SEMA3B: variants seen among roughly 807,000 people sequenced by gnomAD.
SEMA3B encodes the protein semaphorin-3B.
In SEMA3B, 71 loss-of-function variants were observed where a neutral mutation model predicts 77.8. The ratio of observed to expected loss-of-function variants is 0.91; its 90% CI spans 0.75 to 1.11. The LOEUF is 1.11. SEMA3B is among the 50% of genes most tolerant of loss of function. The pLI is 0.00. For synonymous variants in SEMA3B, 470 were observed against 452.9 expected (o/e 1.04, Z -0.48); for missense variants, 968 against 1,056.8 (o/e 0.92, Z 1.17).
Position 50,270,029 on chromosome 3 carries a change from CCTAAT to C in SEMA3B, c.110-97_110-93del, listed in dbSNP as rs1701002247. 2 of 1,328,300 alleles carry C rather than the reference CCTAAT, an allele frequency of 1.5e-6. No homozygotes were observed. The highest frequency in any genetic ancestry group is 3.0e-5 in the South Asian group (2 of 66,128). 82.3% of individuals were successfully genotyped at this position (1,328,300 alleles called of 1,614,324 possible). On this transcript the variant is annotated intron_variant, in intron 1 of 16. Transcript: ENST00000616701. The surrounding 1 kb of genome is among the most constrained non-coding windows in gnomAD (Gnocchi z 4.7). ...AAACTCACATGTGTACAGGCCAGGT[CCTAAT>C]GGCAACCTTGGCCGATAGAGTCACC...
chr3:50,262,219 C>T, the SEMA3B span: 1 of 152,364 alleles, frequency 6.6e-6, no homozygotes, highest in African/African-American at 2.4e-5. Context: ...CACTTGAACC[C>T]AGGAGACGGT....
chr3:50,276,353 A>G lies in SEMA3B; in HGVS notation c.1897A>G (p.Arg633Gly). The G allele has an allele frequency of 2.0e-6, 3 of 1,532,864 alleles. No homozygotes were observed. The highest frequency in any genetic ancestry group is 2.6e-6 in the Non-Finnish European group (3 of 1,144,092). The allele number at this position is 1,532,864 out of a possible 1,614,324, so 95.0% of individuals were successfully genotyped here. The change falls in exon 17 of 17, where the codon AGG (arginine) becomes GGG (glycine). Residue 633 changes from arginine (R) to glycine (G), a missense_variant. Coordinates refer to ENST00000616701, the MANE Select transcript of SEMA3B (RefSeq NM_001290060.2). The surrounding 1 kb of genome is among the most constrained non-coding windows in gnomAD (Gnocchi z 5.8). ...ERTARGLLLR[R>G]LRRRDSGVYL... Reference sequence around the variant, plus strand: ...CACCGCCCGGGGACTACTGCTGCGCAGGCTGCGGCGCCGGGACTCGGGCGT... The same window carrying G: ...CACCGCCCGGGGACTACTGCTGCGCGGGCTGCGGCGCCGGGACTCGGGCGT...
the SEMA3B span, chr3:50,260,246 G>A: frequency 6.6e-6 from 1 of 152,224 alleles, no homozygotes; most frequent in African/African-American, 2.4e-5. Flanking sequence ...AGCTTTGTGA[G>A]GCGGCGACGG....
upstream of SEMA3B, among the ~76,000 whole-genome samples, chr3:50,266,006 T>C (rs1471214959): frequency 2.6e-5 from 4 of 151,928 alleles, no homozygotes; most frequent in Non-Finnish European, 4.4e-5. Flanking sequence ...CCCAGGCTAT[T>C]GGAAAGATAA....
In SEMA3B at chr3:50,276,738, G is replaced by A. The variant is rs782365251; in HGVS notation, c.*32G>A. 1.9e-5 allele frequency: 28 copies of A among 1,455,806 alleles called. 1 individual carries two copies. Among genetic ancestry groups the A allele is most frequent in the Middle Eastern group, 3.7e-4 (2 of 5,386 alleles). 90.2% of individuals were successfully genotyped at this position (1,455,806 alleles called of 1,614,324 possible). ...TGTCCCCACGCCGGGAACCAAGCAG[G>A]AGACGACAGGCGAGAGAGGAGCCAG... On this transcript the variant is annotated 3_prime_UTR_variant, in exon 17 of 17. Transcript: ENST00000616701. This position sits in a 1 kb window ranked among gnomAD's most constrained non-coding sequence, Gnocchi z 5.8.
Position 50,270,050 on chromosome 3 carries a change from T to C in SEMA3B, c.110-77T>C. 2.1e-6 allele frequency: 3 copies of C among 1,429,626 alleles called. No individual in the cohort carries two copies. The highest frequency in any genetic ancestry group is 1.4e-5 in the South Asian group (1 of 69,474). The allele number at this position is 1,429,626 out of a possible 1,614,324, so 88.6% of individuals were successfully genotyped here. A position where few individuals can be genotyped will look rare whatever the true frequency, so the allele number is the denominator to read the frequency against. On this transcript the variant is annotated intron_variant, in intron 1 of 16. Coordinates refer to ENST00000616701, the MANE Select transcript of SEMA3B (RefSeq NM_001290060.2). This position sits in a 1 kb window ranked among gnomAD's most constrained non-coding sequence, Gnocchi z 4.7. ...AGGTCCTAATGGCAACCTTGGCCGA[T>C]AGAGTCACCACCAGGCAGGACCTGG...
rs1700983065 is a variant in SEMA3B, at chr3:50,269,350, G to GTA, written c.109+2_109+3dup. 6.7e-7 allele frequency: 1 copy of GTA among 1,483,494 alleles called. No individual in the cohort carries two copies. The highest frequency in any genetic ancestry group is 9.0e-7 in the Non-Finnish European group (1 of 1,115,666). 91.9% of individuals were successfully genotyped at this position (1,483,494 alleles called of 1,614,324 possible). On this transcript the variant is annotated splice_donor_variant, in intron 1 of 16. Transcript: ENST00000616701. LOFTEE classifies it high-confidence loss of function. This position sits in a 1 kb window ranked among gnomAD's most constrained non-coding sequence, Gnocchi z 4.0. ...CCACGCCTTCGGCTCTCCTTCCAAG[G>GTA]TAGGTGCACCTGGCAGGCGGGAGGG... is the stretch of plus-strand genomic sequence containing the variant.
Position 50,273,738 on chromosome 3 carries a change from A to G in SEMA3B, c.923-21A>G. The stretch of plus-strand genomic sequence containing the variant: ...GCAGCGGGGCTGTGCGCCCTACCCC[A>G]GCTAGGCCCCTTCCCCGCAGAGGAT... On this transcript the variant is annotated intron_variant, in intron 8 of 16. Transcript: ENST00000616701. This position sits in a 1 kb window ranked among gnomAD's most constrained non-coding sequence, Gnocchi z 6.5. The G allele has an allele frequency of 6.2e-7, 1 of 1,605,004 alleles. No individual in the cohort carries two copies. The highest frequency in any genetic ancestry group is 8.5e-7 in the Non-Finnish European group (1 of 1,178,774).
upstream of SEMA3B, chr3:50,267,566 CGGCACGGCG>C (rs1377687292): frequency 2.6e-5 from 4 of 152,256 alleles, no homozygotes; most frequent in Non-Finnish European, 1.5e-5. The surrounding 1 kb of genome is among the most constrained non-coding windows in gnomAD (Gnocchi z 5.7). Flanking sequence ...CTAAACTTTA[CGGCACGGCG>C]GGCGGTGCGT....
rs782627536 is a variant in SEMA3B at position 50,273,715 on chromosome 3, A to G, written c.923-44A>G. On this transcript the variant is annotated intron_variant, in intron 8 of 16. Coordinates refer to ENST00000616701, the MANE Select transcript of SEMA3B (RefSeq NM_001290060.2). This position sits in a 1 kb window ranked among gnomAD's most constrained non-coding sequence, Gnocchi z 6.5. ...CGCAGACTCCGGGAGCCCCCGCCGC[A>G]GCGGGGCTGTGCGCCCTACCCCAGC... 3.9e-5 allele frequency: 62 copies of G among 1,603,420 alleles called. No individual in the cohort carries two copies. Among genetic ancestry groups the G allele is most frequent in the Non-Finnish European group, 5.2e-5 (61 of 1,178,116 alleles).
Position 50,274,719 on chromosome 3 carries a change from C to CA in SEMA3B, c.1358-123dup, listed in dbSNP as rs1402303796. 4 of 1,392,986 alleles carry CA rather than the reference C, an allele frequency of 2.9e-6. No homozygotes were observed. In the East Asian group the frequency reaches 7.2e-5, roughly 25 times the overall value. The allele number at this position is 1,392,986 out of a possible 1,614,324, so 86.3% of individuals were successfully genotyped here. A position where few individuals can be genotyped will look rare whatever the true frequency, so the allele number is the denominator to read the frequency against. ...CACCCTGTGGATGCTGCCCAACCCA[C>CA]ACTCTTCCAGTCCACACTCTTCACA... is the stretch of plus-strand genomic sequence containing the variant. On this transcript the variant is annotated intron_variant, in intron 11 of 16. Transcript: ENST00000616701. The surrounding 1 kb of genome is among the most constrained non-coding windows in gnomAD (Gnocchi z 4.7).
chr3:50,260,767 G>A, the SEMA3B span: 6 of 152,428 alleles, frequency 3.9e-5, no homozygotes, highest in African/African-American at 9.6e-5. Flanking sequence ...TCCCTCCCTG[G>A]GTGGGCCATG....
In SEMA3B at chr3:50,276,254, C is replaced by T. The variant is rs1701240018; in HGVS notation, c.1846-48C>T. Reference sequence around the variant, plus strand: ...CCGTCGCGTGCTAGGGCCCGGAAGCCCTGTTCCCGGCCCGACACCCCCGCC... The same window carrying T: ...CCGTCGCGTGCTAGGGCCCGGAAGCTCTGTTCCCGGCCCGACACCCCCGCC... On this transcript the variant is annotated intron_variant, in intron 16 of 16. Transcript: ENST00000616701. This position sits in a 1 kb window ranked among gnomAD's most constrained non-coding sequence, Gnocchi z 5.8. 2.1e-6 allele frequency: 3 copies of T among 1,438,646 alleles called. No homozygotes were observed. Among genetic ancestry groups the T allele is most frequent in the South Asian group, 1.4e-5 (1 of 69,646 alleles). 89.1% of individuals were successfully genotyped at this position (1,438,646 alleles called of 1,614,324 possible). A position where few individuals can be genotyped will look rare whatever the true frequency, so the allele number is the denominator to read the frequency against.
rs782506911 is a variant in SEMA3B at position 50,275,842 on chromosome 3, C to T, written c.1843C>T (p.Gln615Ter). The change falls in exon 16 of 17, where the codon CAG becomes TAG. Residue 615 changes from glutamine (Q) to a stop codon, truncating the protein, a stop_gained and splice_region_variant. Coordinates refer to ENST00000616701, the MANE Select transcript of SEMA3B (RefSeq NM_001290060.2). LOFTEE classifies it low-confidence loss of function (END_TRUNC). The surrounding 1 kb of genome is among the most constrained non-coding windows in gnomAD (Gnocchi z 7.5). ...GCGCGCAGGGGTGACAGCCCACACC[C>T]AGGTGAGCCTTACTCCGCCCTCCCC... ...FQRAGVTAHT[Q>*]VLAEERTERT... is the part of the protein sequence containing the mutation. 12 of 1,596,734 alleles carry T rather than the reference C, an allele frequency of 7.5e-6. No homozygotes were observed. The South Asian group carries it at 1.2e-4, about 16-fold the overall frequency.
Position 50,275,782 on chromosome 3 carries a change from C to T in SEMA3B, c.1783C>T (p.Arg595Cys), listed in dbSNP as rs1701217130. The change falls in exon 16 of 17, where the codon CGC (arginine) becomes TGC (cysteine). Residue 595 changes from arginine (R) to cysteine (C), a missense_variant. Coordinates refer to ENST00000616701, the MANE Select transcript of SEMA3B (RefSeq NM_001290060.2). This position sits in a 1 kb window ranked among gnomAD's most constrained non-coding sequence, Gnocchi z 7.5. ...CAGCGCCTTTCTGGAGTGTGAGCCC[C>T]GCTCGCTGCAGGCGCGCGTGGAGTG... is the stretch of plus-strand genomic sequence containing the variant. ...GSSAFLECEP[R>C]SLQARVEWTF... The T allele has an allele frequency of 6.2e-7, 1 of 1,612,616 alleles. No individual in the cohort carries two copies. Among genetic ancestry groups the T allele is most frequent in the Non-Finnish European group, 8.5e-7 (1 of 1,179,816 alleles).
In SEMA3B at chr3:50,274,789, T is replaced by C; in HGVS notation, c.1358-54T>C. The stretch of plus-strand genomic sequence containing the variant: ...AGACGCCTCAAAGGCGAGGAGACAC[T>C]AGCCCCAGCTGTCCGGGAGCACCAA... On this transcript the variant is annotated intron_variant, in intron 11 of 16. Coordinates refer to ENST00000616701, the MANE Select transcript of SEMA3B (RefSeq NM_001290060.2). The surrounding 1 kb of genome is among the most constrained non-coding windows in gnomAD (Gnocchi z 4.7). 6.3e-7 allele frequency: 1 copy of C among 1,577,648 alleles called. No individual in the cohort carries two copies. Among genetic ancestry groups the C allele is most frequent in the Non-Finnish European group, 8.6e-7 (1 of 1,156,632 alleles).
At chr3:50,260,659 G>A in the SEMA3B span, 4 of 152,546 alleles carry the variant, frequency 2.6e-5, no homozygotes, top group Admixed American at 6.5e-5. Context: ...CCAGCAGGAA[G>A]CGGGCGGGAG....
At position 50,273,086 on chromosome 3, in the gene SEMA3B, G is replaced by GCCC. The variant is rs1386251708; in HGVS notation, c.665-209_665-207dup. 2.6e-5 allele frequency: 18 copies of GCCC among 690,474 alleles called. No individual in the cohort carries two copies. The highest frequency in any genetic ancestry group is 3.9e-5 in the Non-Finnish European group (17 of 434,360). The allele number at this position is 690,474 out of a possible 1,614,324, so 42.8% of individuals were successfully genotyped here. ...CCCCCAGGTAGCCACGGTCTCTGCT[G>GCCC]CCCCCTCGCGGCTGCTTCTTGCCTC... On this transcript the variant is annotated intron_variant, in intron 6 of 16. Transcript: ENST00000616701. The surrounding 1 kb of genome is among the most constrained non-coding windows in gnomAD (Gnocchi z 6.5).
In SEMA3B at chr3:50,270,177, T is replaced by C; in HGVS notation, c.160T>C (p.Cys54Arg). 6.3e-7 allele frequency: 1 copy of C among 1,591,142 alleles called. No individual in the cohort carries two copies. The highest frequency in any genetic ancestry group is 1.1e-5 in the South Asian group (1 of 87,670). The change falls in exon 2 of 17, where the codon TGC (cysteine) becomes CGC (arginine). Residue 54 changes from cysteine to arginine, a missense_variant. Transcript: ENST00000616701. This position sits in a 1 kb window ranked among gnomAD's most constrained non-coding sequence, Gnocchi z 4.7. ...LQTFSLERTC[C>R]YQALLVDEER... ...GACTTTCAGCCTGGAGCGAACCTGC[T>C]GCTACCAGGCCTTGCTGGTGGATGA... is the stretch of plus-strand genomic sequence containing the variant.
Sources: allele counts gnomAD v4.1 joint callset (sites outside exome capture counted in the v4.1 genomes callset), GRCh38; gene constraint gnomAD v4.1.1; non-coding constraint Gnocchi (gnomAD v3.1); transcripts MANE v1.5; gene names NCBI Gene and HGNC (gene_info 2026-07-23, HGNC 2026-07-21).